Variants in CDNF observed in about 807,000 individuals in gnomAD.
CDNF encodes ARMET-like protein 1.
A neutral mutation model predicts 14.8 loss-of-function variants in CDNF; 9 were observed. That is an observed-to-expected ratio of 0.61 (90% CI 0.37 to 1.06). CDNF has a LOEUF of 1.06. Among genes scored for constraint, CDNF ranks in the 50% least tolerant of loss-of-function variants. CDNF has a pLI of 0.01. For synonymous variants in CDNF, 86 were observed against 87.2 expected, an observed-to-expected ratio of 0.99 and a Z score of 0.07; for missense variants, 228 against 228.4, an observed-to-expected ratio of 1.00 and a Z score of 0.01.
At chr10:14,832,200 G>A (rs1833849731) in intron 1 of CDNF, among the ~76,000 whole-genome samples, 1 of 152,220 alleles carries the variant, frequency 6.6e-6, no homozygotes, top group African/African-American at 2.4e-5. Flanking sequence ...GGAAGTGGAA[G>A]AACAATTTAA....
At chr10:14,824,927 T>TTAGG (rs1287128886) in intron 3 of CDNF, among the ~76,000 whole-genome samples, 1 of 152,074 alleles carries the variant, frequency 6.6e-6, no homozygotes, top group Admixed American at 6.6e-5. Flanking sequence ...CCTTGGTGTG[T>TTAGG]TAGGAGTCTA....
intron 1 of CDNF, among the ~76,000 whole-genome samples, chr10:14,832,963 G>C (rs1259852799): frequency 1.4e-5 from 2 of 146,230 alleles, no homozygotes; most frequent in African/African-American, 5.0e-5. Context: ...GGATTGAAGT[G>C]ATTCTTGTGC....
chr10:14,833,707 T>C (rs1218100124), intron 1 of CDNF, among the ~76,000 whole-genome samples: 2 of 152,086 alleles, frequency 1.3e-5, no homozygotes, highest in Non-Finnish European at 2.9e-5. Context: ...AACATTCAAA[T>C]GGTGTTTTTG....
At chr10:14,823,099 C>T (rs1414941306) in intron 3 of CDNF, among the ~76,000 whole-genome samples, 1 of 151,142 alleles carries the variant, frequency 6.6e-6, no homozygotes, top group East Asian at 1.9e-4. Flanking sequence ...CACAAAGGTC[C>T]CTGTTTAATC....
rs1392845568 is a variant in CDNF at position 14,833,433 on chromosome 10, C to T, written c.115+4399G>A. ...TGGGTCTCCAGCCTGCTTGCCCACA[C>T]TGCAGATTTTGGACTTCTCAGCCTT... On this transcript the variant is annotated intron_variant, in intron 1 of 3. Transcript: ENST00000465530. Among the ~76,000 whole-genome samples, 4 of 152,182 alleles carry T rather than the reference C, an allele frequency of 2.6e-5. No individual in the cohort carries two copies. The South Asian group carries it at 8.3e-4, about 32-fold the overall frequency.
At chr10:14,831,635 G>A (rs1833844928) in intron 1 of CDNF, among the ~76,000 whole-genome samples, 1 of 151,830 alleles carries the variant, frequency 6.6e-6, no homozygotes, top group Non-Finnish European at 1.5e-5. Flanking sequence ...GTGCAGTGGT[G>A]TGATCTCGGC....
chr10:14,832,234 C>T (rs563746787), intron 1 of CDNF, among the ~76,000 whole-genome samples: 18 of 152,290 alleles, frequency 1.2e-4, no homozygotes, highest in Admixed American at 7.8e-4. Flanking sequence ...GGAAGAACTC[C>T]GCAGGCAGAA....
Position 14,820,148 on chromosome 10 carries a change from C to T in CDNF, c.396G>A (p.Leu132=). ...QICELKYEKT[L]DLASVDLRKM... Reference sequence around the variant, plus strand: ...TCCGCAGGTCAACTGATGCCAAGTCCAGTGTTTTTTCTAAATGGCAAAAAG... The same window carrying T: ...TCCGCAGGTCAACTGATGCCAAGTCTAGTGTTTTTTCTAAATGGCAAAAAG... The change falls in exon 4 of 4, where the codon CTG becomes CTA. Residue 132 remains leucine, a synonymous_variant. Transcript: ENST00000465530. 6.2e-7 allele frequency: 1 copy of T among 1,605,700 alleles called. No homozygotes were observed. The highest frequency in any genetic ancestry group is 8.5e-7 in the Non-Finnish European group (1 of 1,177,874).
intron 1 of CDNF, among the ~76,000 whole-genome samples, chr10:14,834,731 A>C (rs560253668): frequency 6.6e-6 from 1 of 152,304 alleles, no homozygotes; most frequent in Admixed American, 6.5e-5. Context: ...CAATATGAGA[A>C]GTGTATCAGA....
At chr10:14,829,399 C>T (rs1243706254) in intron 1 of CDNF, among the ~76,000 whole-genome samples, 1 of 152,164 alleles carries the variant, frequency 6.6e-6, no homozygotes, top group Non-Finnish European at 1.5e-5. Flanking sequence ...TCTCTTGAGG[C>T]CAGGAGTTTG....
chr10:14,825,111 A>G (rs11818145), intron 3 of CDNF, among the ~76,000 whole-genome samples: 2,191 of 151,818 alleles, frequency 0.014, 60 homozygotes, highest in African/African-American at 0.049. Flanking sequence ...CCGCCACCAC[A>G]CCCGGCTAAT....
chr10:14,833,208 A>G (rs1363682669), intron 1 of CDNF, among the ~76,000 whole-genome samples: 1 of 152,132 alleles, frequency 6.6e-6, no homozygotes, highest in Non-Finnish European at 1.5e-5. Flanking sequence ...GACGTCTGTG[A>G]TGGTTAATTT....
chr10:14,827,488 A>G (rs528424353), intron 2 of CDNF, among the ~76,000 whole-genome samples: 18 of 152,392 alleles, frequency 1.2e-4, no homozygotes, highest in African/African-American at 3.4e-4. Context: ...ATAATAATGT[A>G]AAATATTTTG....
chr10:14,820,132 C>G lies in CDNF; in HGVS notation c.412G>C (p.Asp138His), dbSNP rs1212528989. Residue 138 changes from aspartate to histidine, a missense_variant, in exon 4 of 4, where the codon GAC becomes CAC. Coordinates refer to ENST00000465530, the MANE Select transcript of CDNF (RefSeq NM_001029954.3). ...YEKTLDLASV[D>H]LRKMRVAELK... Reference sequence around the variant, plus strand: ...TCTGCCACTCTCATCTTCCGCAGGTCAACTGATGCCAAGTCCAGTGTTTTT... The same window carrying G: ...TCTGCCACTCTCATCTTCCGCAGGTGAACTGATGCCAAGTCCAGTGTTTTT... 1 of 1,612,340 alleles carries G rather than the reference C, an allele frequency of 6.2e-7. No individual in the cohort carries two copies.
In CDNF at chr10:14,838,004, C is replaced by T; in HGVS notation, c.-58G>A. On this transcript the variant is annotated 5_prime_UTR_variant, in exon 1 of 4. Coordinates refer to ENST00000465530, the MANE Select transcript of CDNF (RefSeq NM_001029954.3). ...CCGCGCCCACCGCCCACCAAGCTGC[C>T]AAAGCGAGCTGAGCAGAATTCGAGG... The T allele has an allele frequency of 7.7e-7, 1 of 1,303,808 alleles. No homozygotes were observed. The highest frequency in any genetic ancestry group is 1.3e-5 in the South Asian group (1 of 79,228). The allele number at this position is 1,303,808 out of a possible 1,614,324, so 80.8% of individuals were successfully genotyped here.
intron 1 of CDNF, among the ~76,000 whole-genome samples, chr10:14,837,052 T>C (rs555410880): frequency 3.0e-4 from 46 of 152,220 alleles, no homozygotes; most frequent in Non-Finnish European, 5.1e-4. Flanking sequence ...ACTAGGGATA[T>C]ATTTTCCAGC....
intron 2 of CDNF, among the ~76,000 whole-genome samples, chr10:14,826,350 AAGCAGCAGAAGCAGAAGAAGAGC>A (rs1415113332): frequency 6.6e-6 from 1 of 151,476 alleles, no homozygotes; most frequent in African/African-American, 2.4e-5. Context: ...GCAGAAGCAG[AAGCAGCAGAAGCAGAAGAAGAGC>A]AGCAGCAGAA....
chr10:14,834,987 T>C (rs1047195859), intron 1 of CDNF, among the ~76,000 whole-genome samples: 2 of 151,874 alleles, frequency 1.3e-5, no homozygotes, highest in Non-Finnish European at 2.9e-5. Context: ...TAGTGATTGG[T>C]TGGGGGATAA....
intron 1 of CDNF, among the ~76,000 whole-genome samples, chr10:14,829,756 A>G (rs867643754): frequency 4.6e-5 from 7 of 152,064 alleles, no homozygotes; most frequent in African/African-American, 1.5e-4. Context: ...CAGCCCCCCA[A>G]GTAGCTGCGA....
Sources: allele counts gnomAD v4.1 joint callset (sites outside exome capture counted in the v4.1 genomes callset), GRCh38; gene constraint gnomAD v4.1.1; transcripts MANE v1.5; gene names NCBI Gene and HGNC (gene_info 2026-07-23, HGNC 2026-07-21).